The following ZNF660 variants were observed in gnomAD, a reference collection of about 807,000 sequenced individuals.
ZNF660 encodes the protein zinc finger protein 660.
In ZNF660, 24 loss-of-function variants were observed where a neutral mutation model predicts 23.2. The ratio of observed to expected loss-of-function variants is 1.04; its 90% CI spans 0.75 to 1.46. ZNF660 has a LOEUF of 1.46. Among genes scored for constraint, ZNF660 ranks in the 40% most tolerant of loss-of-function variants. The pLI, the probability that ZNF660 is intolerant of heterozygous loss-of-function variation, is 0.00. For missense variants in ZNF660, 373 were observed against 396.8 expected (o/e 0.94, Z 0.51); for synonymous variants, 117 against 131.4 (o/e 0.89, Z 0.75).
At position 44,597,189 on chromosome 3, in the gene ZNF660, C is replaced by T. The variant is rs1410852602; in HGVS notation, c.*2000C>T. 6.6e-6 allele frequency: 1 copy of T among 152,198 alleles called. No individual in the cohort carries two copies. Among genetic ancestry groups the T allele is most frequent in the African/African-American group, 2.4e-5 (1 of 41,454 alleles). 9.4% of individuals were successfully genotyped at this position (152,198 alleles called of 1,614,324 possible). A position where few individuals can be genotyped will look rare whatever the true frequency, so the allele number is the denominator to read the frequency against. ...CTGACTTTGAAATTCATGCTTTCTT[C>T]ATTATACCAAAGTGCCTCTGCCCAC... On this transcript the variant is annotated 3_prime_UTR_variant, in exon 3 of 3. Coordinates refer to ENST00000322734, the MANE Select transcript of ZNF660 (RefSeq NM_173658.4). The surrounding 1 kb of genome is among the most constrained non-coding windows in gnomAD (Gnocchi z 4.1).
rs1428721045 is a variant in ZNF660, at chr3:44,594,126, T to C, written c.-68T>C. 2 of 1,600,714 alleles carry C rather than the reference T, an allele frequency of 1.2e-6. No homozygotes were observed. The highest frequency in any genetic ancestry group is 2.7e-5 in the African/African-American group (2 of 74,432). ...AGAGACATTGCCCAGGAAGTCAAAA[T>C]TTAGAAGGCTCCTCTGAAGGGAAAG... On this transcript the variant is annotated 5_prime_UTR_variant, in exon 3 of 3. Transcript: ENST00000322734.
At chr3:44,592,494 G>A (rs983486759) in intron 2 of ZNF660, among the ~76,000 whole-genome samples, 13 of 152,098 alleles carry the variant, frequency 8.5e-5, no homozygotes, top group Admixed American at 1.3e-4. Flanking sequence ...AGAGTTTCAC[G>A]TCAAACCAGT....
chr3:44,587,782 G>A (rs1031800611), intron 2 of ZNF660, among the ~76,000 whole-genome samples: 11 of 152,174 alleles, frequency 7.2e-5, no homozygotes, highest in Admixed American at 5.9e-4. Context: ...AGCCGGGCGC[G>A]GTGGCTTACG....
intron 2 of ZNF660, chr3:44,587,293 A>C (rs1700258334): frequency 6.6e-6 from 1 of 152,096 alleles, no homozygotes; most frequent in African/African-American, 2.4e-5. Flanking sequence ...TCTACCCTTT[A>C]TGTATTTTTC....
At position 44,597,572 on chromosome 3, in the gene ZNF660, TGGAACA is replaced by T. The variant is rs529674858; in HGVS notation, c.*2385_*2390del. The T allele has an allele frequency of 1.2e-3, 184 of 152,334 alleles. No homozygotes were observed. The highest frequency in any genetic ancestry group is 4.2e-3 in the African/African-American group (174 of 41,578). 9.4% of individuals were successfully genotyped at this position (152,334 alleles called of 1,614,324 possible). On this transcript the variant is annotated 3_prime_UTR_variant, in exon 3 of 3. Transcript: ENST00000322734. The surrounding 1 kb of genome is among the most constrained non-coding windows in gnomAD (Gnocchi z 4.1). ...CATTCCAAGCAGGGTTTGGAAGGCCTGGAACAGATTTGTAGCATTCATGGACAAGCC... is the reference window on the plus strand; with the variant it reads ...CATTCCAAGCAGGGTTTGGAAGGCCTGATTTGTAGCATTCATGGACAAGCC...
chr3:44,592,375 G>C (rs774730066), intron 2 of ZNF660, among the ~76,000 whole-genome samples: 4 of 152,012 alleles, frequency 2.6e-5, no homozygotes, highest in Non-Finnish European at 5.9e-5. Flanking sequence ...AATACATATG[G>C]GCAAGTCTAT....
In ZNF660 at chr3:44,596,115, C is replaced by T. The variant is rs906086061; in HGVS notation, c.*926C>T. On this transcript the variant is annotated 3_prime_UTR_variant, in exon 3 of 3. Coordinates refer to ENST00000322734, the MANE Select transcript of ZNF660 (RefSeq NM_173658.4). Reference sequence around the variant, plus strand: ...TAGACTCAAAAACTTCAGATACAGTCACCAGTTAATATAAAACTAGTGGGA... The same window carrying T: ...TAGACTCAAAAACTTCAGATACAGTTACCAGTTAATATAAAACTAGTGGGA... 4.2e-5 allele frequency: 7 copies of T among 166,052 alleles called. No homozygotes were observed. Among genetic ancestry groups the T allele is most frequent in the Non-Finnish European group, 8.8e-5 (6 of 68,116 alleles). The allele number at this position is 166,052 out of a possible 1,614,324, so 10.3% of individuals were successfully genotyped here. A position where few individuals can be genotyped will look rare whatever the true frequency, so the allele number is the denominator to read the frequency against.
At chr3:44,591,135 AC>A (rs1700409686) in intron 2 of ZNF660, among the ~76,000 whole-genome samples, 2 of 151,902 alleles carry the variant, frequency 1.3e-5, no homozygotes, top group African/African-American at 4.8e-5. Flanking sequence ...AATTGGTCAA[AC>A]TTTTTTTTTT....
In ZNF660 at chr3:44,597,748, T is replaced by C. The variant is rs912048291; in HGVS notation, c.*2559T>C. The stretch of plus-strand genomic sequence containing the variant: ...CTTTCTTTTTTGTCTTAGAAGACTA[T>C]GATCTTCAAGAGTATATCTCAAGGA... On this transcript the variant is annotated 3_prime_UTR_variant, in exon 3 of 3. Coordinates refer to ENST00000322734, the MANE Select transcript of ZNF660 (RefSeq NM_173658.4). This position sits in a 1 kb window ranked among gnomAD's most constrained non-coding sequence, Gnocchi z 4.1. The C allele has an allele frequency of 1.3e-5, 2 of 152,278 alleles. No homozygotes were observed. Among genetic ancestry groups the C allele is most frequent in the African/African-American group, 4.8e-5 (2 of 41,480 alleles). 9.4% of individuals were successfully genotyped at this position (152,278 alleles called of 1,614,324 possible). A position where few individuals can be genotyped will look rare whatever the true frequency, so the allele number is the denominator to read the frequency against.
chr3:44,590,786 T>C (rs1700396594), intron 2 of ZNF660, among the ~76,000 whole-genome samples: 1 of 152,242 alleles, frequency 6.6e-6, no homozygotes, highest in Admixed American at 6.5e-5. Flanking sequence ...GTGAGTTCAC[T>C]TGCTCTACTG....
Position 44,597,839 on chromosome 3 carries a change from G to A in ZNF660, c.*2650G>A, listed in dbSNP as rs1390523041. On this transcript the variant is annotated 3_prime_UTR_variant, in exon 3 of 3. Transcript: ENST00000322734. This position sits in a 1 kb window ranked among gnomAD's most constrained non-coding sequence, Gnocchi z 4.1. ...GAGAGCTTCATATTTCTTGCCCCAG[G>A]CAGGCGAGGATTATAGTCTCTTGAG... is the stretch of plus-strand genomic sequence containing the variant. 6.6e-6 allele frequency: 1 copy of A among 152,190 alleles called. No homozygotes were observed. 9.4% of individuals were successfully genotyped at this position (152,190 alleles called of 1,614,324 possible). A position where few individuals can be genotyped will look rare whatever the true frequency, so the allele number is the denominator to read the frequency against.
At position 44,597,139 on chromosome 3, in the gene ZNF660, TCGGAGC is replaced by T. The variant is rs1700636049; in HGVS notation, c.*1952_*1957del. Reference sequence around the variant, plus strand: ...GGTTAGGTGACTGGCTAGTAAGTTGTCGGAGCCAGGATTTGAGCTCAGATCTGACTT... The same window carrying T: ...GGTTAGGTGACTGGCTAGTAAGTTGTCAGGATTTGAGCTCAGATCTGACTT... On this transcript the variant is annotated 3_prime_UTR_variant, in exon 3 of 3. Coordinates refer to ENST00000322734, the MANE Select transcript of ZNF660 (RefSeq NM_173658.4). The surrounding 1 kb of genome is among the most constrained non-coding windows in gnomAD (Gnocchi z 4.1). 6.6e-6 allele frequency: 1 copy of T among 152,232 alleles called. No homozygotes were observed. Among genetic ancestry groups the T allele is most frequent in the Non-Finnish European group, 1.5e-5 (1 of 68,040 alleles). 9.4% of individuals were successfully genotyped at this position (152,232 alleles called of 1,614,324 possible).
In ZNF660 at chr3:44,595,160, A is replaced by G. The variant is rs979433069; in HGVS notation, c.967A>G (p.Lys323Glu). The stretch of plus-strand genomic sequence containing the variant: ...TTCACAGCTTATTCAACACCAGAGG[A>G]AACATAATGAGGAGAAAGAAACCTC... ...YSSQLIQHQR[K>E]HNEEKETS Residue 323 changes from lysine (K) to glutamate (E), a missense_variant, in exon 3 of 3, where the codon AAA (lysine) becomes GAA (glutamate). Physicochemically the swap from Lys to Glu is moderately conservative, Grantham distance 56. Coordinates refer to ENST00000322734, the MANE Select transcript of ZNF660 (RefSeq NM_173658.4). The G allele has an allele frequency of 6.3e-7, 1 of 1,586,204 alleles. No homozygotes were observed. Among genetic ancestry groups the G allele is most frequent in the African/African-American group, 1.4e-5 (1 of 73,396 alleles).
Position 44,594,904 on chromosome 3 carries a change from G to A in ZNF660, c.711G>A (p.Gln237=), listed in dbSNP as rs773977435. Residue 237 remains glutamine (Q), a synonymous_variant, in exon 3 of 3, where the codon CAG becomes CAA. Transcript: ENST00000322734. ...TAAGGAAAACTCTTAATGAACACCA[G>A]AGACTTCATCGTAGAGAGAAACCTT... ...FILRKTLNEH[Q]RLHRREKPYK... 13 of 1,613,978 alleles carry A rather than the reference G, an allele frequency of 8.1e-6. No individual in the cohort carries two copies. In the East Asian group the frequency reaches 2.7e-4, roughly 33 times the overall value.
Position 44,595,591 on chromosome 3 carries a change from T to C in ZNF660, c.*402T>C, listed in dbSNP as rs1700582601. 1.2e-5 allele frequency: 2 copies of C among 172,076 alleles called. No homozygotes were observed. The highest frequency in any genetic ancestry group is 2.8e-5 in the Non-Finnish European group (2 of 71,402). 10.7% of individuals were successfully genotyped at this position (172,076 alleles called of 1,614,324 possible). ...GTTAACAGTGATCATCTCTGGGCGA[T>C]AGGATTATAGGTGATTTCTATTTTC... On this transcript the variant is annotated 3_prime_UTR_variant, in exon 3 of 3. Coordinates refer to ENST00000322734, the MANE Select transcript of ZNF660 (RefSeq NM_173658.4).
At chr3:44,592,842 A>G (rs564062537) in intron 2 of ZNF660, among the ~76,000 whole-genome samples, 5 of 152,230 alleles carry the variant, frequency 3.3e-5, no homozygotes, top group Admixed American at 6.5e-5. Context: ...TCACGAGGTC[A>G]GGAGATCGAG....
intron 1 of ZNF660, among the ~76,000 whole-genome samples, chr3:44,585,352 A>G (rs952860789): frequency 6.6e-6 from 1 of 152,214 alleles, no homozygotes; most frequent in African/African-American, 2.4e-5. Flanking sequence ...TCAAATCACC[A>G]GTCCAATATC....
chr3:44,597,620 A>G lies in ZNF660; in HGVS notation c.*2431A>G, dbSNP rs1700655419. 1.3e-5 allele frequency: 2 copies of G among 152,204 alleles called. No individual in the cohort carries two copies. Among genetic ancestry groups the G allele is most frequent in the Admixed American group, 6.5e-5 (1 of 15,284 alleles). The allele number at this position is 152,204 out of a possible 1,614,324, so 9.4% of individuals were successfully genotyped here. A position where few individuals can be genotyped will look rare whatever the true frequency, so the allele number is the denominator to read the frequency against. On this transcript the variant is annotated 3_prime_UTR_variant, in exon 3 of 3. Coordinates refer to ENST00000322734, the MANE Select transcript of ZNF660 (RefSeq NM_173658.4). This position sits in a 1 kb window ranked among gnomAD's most constrained non-coding sequence, Gnocchi z 4.1. Reference sequence around the variant, plus strand: ...GGACAAGCCTGGTCTATCATTCCTGAGCAGAATTGTTGATGCTTTATATAT... The same window carrying G: ...GGACAAGCCTGGTCTATCATTCCTGGGCAGAATTGTTGATGCTTTATATAT...
chr3:44,593,577 T>C (rs2125752408), intron 2 of ZNF660, among the ~76,000 whole-genome samples: 1 of 150,012 alleles, frequency 6.7e-6, no homozygotes, highest in African/African-American at 2.5e-5. Context: ...TAGCTGGGCG[T>C]GGTGGCAGGC....
Sources: gnomAD v4.1 joint callset for allele counts (sites outside exome capture counted in the v4.1 genomes callset) on GRCh38, gnomAD v4.1.1 for gene constraint, Gnocchi (gnomAD v3.1) non-coding constraint, MANE v1.5 for transcripts, NCBI Gene and HGNC (gene_info 2026-07-23, HGNC 2026-07-21) for gene names.